Variants in FXN observed in about 807,000 individuals in gnomAD.
The protein encoded by FXN is frataxin, mitochondrial.
A neutral mutation model predicts 22.4 loss-of-function variants in FXN; 14 were observed. The ratio of observed to expected loss-of-function variants is 0.62; its 90% CI spans 0.41 to 0.98. The LOEUF (loss-of-function observed/expected upper bound fraction) is 0.98. Ranked by LOEUF, FXN falls within the 50% of genes least tolerant of loss-of-function variation. The probability of loss-of-function intolerance (pLI) is 0.00; values close to 1 mark genes in which losing one functional copy is unlikely to be tolerated. For missense variants in FXN, 267 were observed against 268.4 expected, an observed-to-expected ratio of 0.99 and a Z score of 0.04; for synonymous variants, 120 against 114.1, an observed-to-expected ratio of 1.05 and a Z score of -0.33.
chr9:69,040,207 C>G (rs763392205), intron 1 of FXN, among the ~76,000 whole-genome samples: 4 of 152,172 alleles, frequency 2.6e-5, no homozygotes, highest in Non-Finnish European at 5.9e-5. Context: ...CCTTGGGCAG[C>G]TTTTAGACAT....
At chr9:69,050,315 T>A (rs924732088) in intron 2 of FXN, among the ~76,000 whole-genome samples, 2 of 152,206 alleles carry the variant, frequency 1.3e-5, no homozygotes, top group Non-Finnish European at 2.9e-5. Context: ...AGTTTCCAGT[T>A]TGGGGCTATA....
chr9:69,076,587 A>T lies in FXN; in HGVS notation c.*3825A>T. ...AAATTATAGGTTTACAATATGCTTT[A>T]TCCAGCTATACCTGCCCCAAATTCT... On this transcript the variant is annotated 3_prime_UTR_variant, in exon 5 of 5. Transcript: ENST00000484259. 1.0e-6 allele frequency: 1 copy of T among 985,440 alleles called. No individual in the cohort carries two copies. The highest frequency in any genetic ancestry group is 1.2e-6 in the Non-Finnish European group (1 of 829,930). The allele number at this position is 985,440 out of a possible 1,614,324, so 61.0% of individuals were successfully genotyped here.
chr9:69,063,480 G>C (rs937799226), intron 3 of FXN, among the ~76,000 whole-genome samples: 3 of 152,122 alleles, frequency 2.0e-5, no homozygotes, highest in Non-Finnish European at 4.4e-5. Flanking sequence ...GGCACAGTAG[G>C]AACCGAGTAA....
At position 69,035,917 on chromosome 9, in the gene FXN, C is replaced by T; in HGVS notation, c.135C>T (p.Asp45=). Residue 45 remains aspartate, a synonymous_variant, in exon 1 of 5, where the codon GAC becomes GAT. Transcript: ENST00000484259. ...GCGGCCGCCGTGGCCTGCGCACCGA[C>T]ATCGATGCGACCTGCACGCCCCGCC... ...PLCGRRGLRT[D]IDATCTPRRA... 2.0e-6 allele frequency: 3 copies of T among 1,486,146 alleles called. No individual in the cohort carries two copies. Among genetic ancestry groups the T allele is most frequent in the Non-Finnish European group, 2.7e-6 (3 of 1,124,682 alleles). The allele number at this position is 1,486,146 out of a possible 1,614,324, so 92.1% of individuals were successfully genotyped here. A position where few individuals can be genotyped will look rare whatever the true frequency, so the allele number is the denominator to read the frequency against.
intron 1 of FXN, among the ~76,000 whole-genome samples, chr9:69,037,426 A>G (rs545820587): frequency 9.9e-5 from 15 of 152,032 alleles, no homozygotes; most frequent in African/African-American, 2.9e-4. Context: ...AGATCGCCCA[A>G]TGCACTCCGG....
chr9:69,072,776 T>A lies in FXN; in HGVS notation c.*14T>A. 6.2e-7 allele frequency: 1 copy of A among 1,614,136 alleles called. No individual in the cohort carries two copies. Among genetic ancestry groups the A allele is most frequent in the Non-Finnish European group, 8.5e-7 (1 of 1,180,044 alleles). On this transcript the variant is annotated 3_prime_UTR_variant, in exon 5 of 5. Coordinates refer to ENST00000484259, the MANE Select transcript of FXN (RefSeq NM_000144.5). ...AAAGATGCTTGATGCCCAGCCCCGT[T>A]TTAAGGACATTAAAAGCTATCAGGC...
chr9:69,064,074 C>T (rs1419707968), intron 3 of FXN, among the ~76,000 whole-genome samples: 2 of 152,170 alleles, frequency 1.3e-5, no homozygotes, highest in African/African-American at 4.8e-5. Flanking sequence ...AAAAAGGCTG[C>T]CACCGTGTAT....
intron 3 of FXN, among the ~76,000 whole-genome samples, chr9:69,059,459 G>A (rs1832026662): frequency 7.3e-6 from 1 of 137,630 alleles, no homozygotes; most frequent in Non-Finnish European, 1.5e-5. Context: ...GAGTGCAGTG[G>A]CACGATCTCA....
intron 3 of FXN, among the ~76,000 whole-genome samples, chr9:69,056,741 T>A (rs1237364525): frequency 7.0e-6 from 1 of 142,336 alleles, no homozygotes; most frequent in Non-Finnish European, 1.5e-5. Context: ...GAAGTGAGTC[T>A]TTTTTTTTTT....
chr9:69,066,701 T>C (rs939806998), intron 4 of FXN, among the ~76,000 whole-genome samples: 11 of 151,718 alleles, frequency 7.3e-5, no homozygotes, highest in Non-Finnish European at 1.3e-4. Flanking sequence ...GGGCAGGCAC[T>C]TACCCCAAAA....
At position 69,076,231 on chromosome 9, in the gene FXN, T is replaced by TTTTA. The variant is rs59923017; in HGVS notation, c.*3469_*3470insTTTA. On this transcript the variant is annotated 3_prime_UTR_variant, in exon 5 of 5. Transcript: ENST00000484259. ...AGTGGCCTCATGTTTTTTTTTTTTTTAATCTATAAAATGGAGATATCTAAC... is the reference window on the plus strand; with the variant it reads ...AGTGGCCTCATGTTTTTTTTTTTTTTTTTAAATCTATAAAATGGAGATATCTAAC... 65,279 of 931,654 alleles carry TTTTA rather than the reference T, an allele frequency of 0.07. 680 individuals carry two copies. Among genetic ancestry groups the TTTTA allele is most frequent in the African/African-American group, 0.15 (8,477 of 55,054 alleles). The allele number at this position is 931,654 out of a possible 1,614,324, so 57.7% of individuals were successfully genotyped here.
At chr9:69,061,428 C>A (rs112558241) in intron 3 of FXN, among the ~76,000 whole-genome samples, 1,606 of 152,056 alleles carry the variant, frequency 0.011, 29 homozygotes, top group African/African-American at 0.034. Flanking sequence ...TGGATTGTGG[C>A]CCCCCAGTAT....
At chr9:69,041,480 T>C (rs1405972079) in intron 1 of FXN, among the ~76,000 whole-genome samples, 1 of 152,214 alleles carries the variant, frequency 6.6e-6, no homozygotes, top group African/African-American at 2.4e-5. Context: ...GTGACTGTTC[T>C]TGTGCATGGA....
chr9:69,061,257 T>C (rs1832067091), intron 3 of FXN, among the ~76,000 whole-genome samples: 1 of 152,240 alleles, frequency 6.6e-6, no homozygotes, highest in South Asian at 2.1e-4. Context: ...ATTGTGGTGA[T>C]GGACGCAAGT....
At chr9:69,046,109 GA>G (rs1247377070) in intron 1 of FXN, among the ~76,000 whole-genome samples, 1 of 152,194 alleles carries the variant, frequency 6.6e-6, no homozygotes, top group Non-Finnish European at 1.5e-5. Flanking sequence ...CATACAGTTA[GA>G]AAAGCTTGCC....
chr9:69,069,957 G>A (rs1039021912), intron 4 of FXN, among the ~76,000 whole-genome samples: 4 of 152,166 alleles, frequency 2.6e-5, no homozygotes, highest in Admixed American at 6.5e-5. Flanking sequence ...GGGCAAGCAC[G>A]GTAGCTCACA....
Position 69,076,052 on chromosome 9 carries a change from A to G in FXN, c.*3290A>G. The G allele has an allele frequency of 1.0e-6, 1 of 984,408 alleles. No homozygotes were observed. Among genetic ancestry groups the G allele is most frequent in the South Asian group, 4.7e-5 (1 of 21,260 alleles). The allele number at this position is 984,408 out of a possible 1,614,324, so 61.0% of individuals were successfully genotyped here. A position where few individuals can be genotyped will look rare whatever the true frequency, so the allele number is the denominator to read the frequency against. On this transcript the variant is annotated 3_prime_UTR_variant, in exon 5 of 5. Coordinates refer to ENST00000484259, the MANE Select transcript of FXN (RefSeq NM_000144.5). The stretch of plus-strand genomic sequence containing the variant: ...TACCTTCTTGAGTGGGTAGAACCTC[A>G]GCCACATAGAAAATAAAATGTTCTG...
chr9:69,067,475 G>A (rs763573517), intron 4 of FXN, among the ~76,000 whole-genome samples: 1 of 152,234 alleles, frequency 6.6e-6, no homozygotes, highest in African/African-American at 2.4e-5. Context: ...AGGAGCAGGA[G>A]GTTGTGGACA....
At chr9:69,042,170 G>A (rs943857682) in intron 1 of FXN, among the ~76,000 whole-genome samples, 10 of 151,882 alleles carry the variant, frequency 6.6e-5, no homozygotes, top group Admixed American at 2.0e-4. Flanking sequence ...CCCGGGAGGC[G>A]GAGGTTGCAA....
Sources: gnomAD v4.1 joint callset for allele counts (sites outside exome capture counted in the v4.1 genomes callset) on GRCh38, gnomAD v4.1.1 for gene constraint, MANE v1.5 for transcripts, NCBI Gene and HGNC (gene_info 2026-07-23, HGNC 2026-07-21) for gene names.